Variants in RUNX1 observed in about 807,000 individuals in gnomAD.
The protein encoded by RUNX1 is RUNX family transcription factor 1.
A neutral mutation model predicts 42.8 loss-of-function variants in RUNX1; 19 were observed. That is an observed-to-expected ratio of 0.44 (90% CI 0.31 to 0.65). RUNX1 has a LOEUF of 0.65. RUNX1 is among the 30% of genes least tolerant of loss of function. The pLI is 0.07. For missense variants in RUNX1, 528 were observed against 672.0 expected (o/e 0.79, Z 2.37); for synonymous variants, 271 against 289.4 (o/e 0.94, Z 0.64).
chr21:34,800,934 T>G (rs2077780115), intron 7 of RUNX1, among the ~76,000 whole-genome samples: 1 of 152,144 alleles, frequency 6.6e-6, no homozygotes, highest in South Asian at 2.1e-4. Flanking sequence ...TTTAAAGAGC[T>G]GGCAAGGAAC....
At chr21:34,992,782 G>A (rs1213216076) in intron 2 of RUNX1, among the ~76,000 whole-genome samples, 1 of 152,164 alleles carries the variant, frequency 6.6e-6, no homozygotes, top group African/African-American at 2.4e-5. Context: ...GGCAGCCCAG[G>A]CAGTGCCCAG....
chr21:34,800,752 GCCTC>G (rs529195472), intron 7 of RUNX1, among the ~76,000 whole-genome samples: 1 of 152,076 alleles, frequency 6.6e-6, no homozygotes, highest in Non-Finnish European at 1.5e-5. Context: ...TCTCCTGACA[GCCTC>G]CCTCCCTCCC....
At chr21:34,833,439 C>T (rs1029705270) in intron 7 of RUNX1, 2 of 152,286 alleles carry the variant, frequency 1.3e-5, no homozygotes, top group Non-Finnish European at 2.9e-5. Flanking sequence ...TAGAGAGCTA[C>T]TGGCCTGGAA....
chr21:34,974,916 C>T (rs971458488), intron 2 of RUNX1, among the ~76,000 whole-genome samples: 2 of 152,206 alleles, frequency 1.3e-5, no homozygotes, highest in African/African-American at 4.8e-5. Flanking sequence ...TAAATATCTA[C>T]TATGTGCTAG....
At chr21:35,046,915 T>G (rs2059399768) in intron 2 of RUNX1, among the ~76,000 whole-genome samples, 1 of 152,156 alleles carries the variant, frequency 6.6e-6, no homozygotes, top group African/African-American at 2.4e-5. Context: ...CCGTGAAAGC[T>G]AACCGACCCT....
chr21:34,860,020 A>G (rs954035261), intron 5 of RUNX1, among the ~76,000 whole-genome samples: 35 of 152,228 alleles, frequency 2.3e-4, no homozygotes, highest in Non-Finnish European at 1.2e-4. Flanking sequence ...GAAAGATAGA[A>G]TTTCTAAGTT....
chr21:34,845,686 C>T (rs956343178), intron 6 of RUNX1, among the ~76,000 whole-genome samples: 1 of 152,088 alleles, frequency 6.6e-6, no homozygotes, highest in East Asian at 1.9e-4. Flanking sequence ...GGAGGGGGAC[C>T]CCGCCCCACT....
At chr21:34,889,358 C>T (rs2058047766) in intron 3 of RUNX1, among the ~76,000 whole-genome samples, 1 of 152,146 alleles carries the variant, frequency 6.6e-6, no homozygotes, top group South Asian at 2.1e-4. Flanking sequence ...CTCTCAGCGT[C>T]TTCCCTTGGG....
intron 2 of RUNX1, among the ~76,000 whole-genome samples, chr21:35,043,822 G>C (rs1601706599): frequency 1.3e-5 from 2 of 152,172 alleles, no homozygotes; most frequent in South Asian, 4.1e-4. Context: ...TCATGTCTGG[G>C]CTTTGACAAA....
At chr21:34,959,264 G>T (rs62216440) in intron 2 of RUNX1, among the ~76,000 whole-genome samples, 64 of 152,034 alleles carry the variant, frequency 4.2e-4, no homozygotes, top group Non-Finnish European at 8.1e-4. Flanking sequence ...GGTCTCCAGT[G>T]GTATTGTTAG....
At chr21:34,999,641 G>A (rs2059025012) in intron 2 of RUNX1, among the ~76,000 whole-genome samples, 1 of 152,216 alleles carries the variant, frequency 6.6e-6, no homozygotes. Context: ...TCGACATGTG[G>A]GGACCGAGAT....
chr21:34,834,142 C>T, intron 7 of RUNX1: 1 of 679,638 alleles, frequency 1.5e-6, no homozygotes, highest in Non-Finnish European at 2.7e-6. Flanking sequence ...GATATCCATA[C>T]CCAGAGCTCC....
At chr21:34,846,879 G>A (rs929973010) in intron 6 of RUNX1, among the ~76,000 whole-genome samples, 1 of 152,210 alleles carries the variant, frequency 6.6e-6, no homozygotes, top group Non-Finnish European at 1.5e-5. Context: ...ACAGGACAGC[G>A]AGCTGGCCTC....
At chr21:35,045,031 C>T (rs1331483665) in intron 2 of RUNX1, among the ~76,000 whole-genome samples, 1 of 152,190 alleles carries the variant, frequency 6.6e-6, no homozygotes, top group Non-Finnish European at 1.5e-5. Context: ...CAAAGACAAT[C>T]CTCCCCAAGA....
At chr21:35,006,781 G>A (rs995868505) in intron 2 of RUNX1, among the ~76,000 whole-genome samples, 1 of 152,206 alleles carries the variant, frequency 6.6e-6, no homozygotes, top group Admixed American at 6.5e-5. Context: ...TTTAGAGTGG[G>A]TGAAGGCTGA....
chr21:34,964,582 A>G (rs2058705356), intron 2 of RUNX1, among the ~76,000 whole-genome samples: 1 of 152,204 alleles, frequency 6.6e-6, no homozygotes, highest in South Asian at 2.1e-4. Flanking sequence ...CTAATCTAGA[A>G]TTACAGACAC....
intron 5 of RUNX1, among the ~76,000 whole-genome samples, chr21:34,878,054 A>G (rs2146344058): frequency 6.6e-6 from 1 of 152,270 alleles, no homozygotes; most frequent in East Asian, 1.9e-4. Context: ...TTGTCTTAAG[A>G]TCACTTAATA....
At chr21:34,934,373 C>T (rs1424694169) in intron 2 of RUNX1, among the ~76,000 whole-genome samples, 1 of 151,956 alleles carries the variant, frequency 6.6e-6, no homozygotes, top group African/African-American at 2.4e-5. Context: ...CTCTTGATTG[C>T]ATCTAGATAT....
chr21:34,997,665 C>CA (rs1012169707), intron 2 of RUNX1, among the ~76,000 whole-genome samples: 3 of 151,736 alleles, frequency 2.0e-5, no homozygotes, highest in Non-Finnish European at 4.4e-5. Context: ...AACGTCTTAC[C>CA]AGGCTGAAGA....
Sources: allele counts gnomAD v4.1 joint callset (sites outside exome capture counted in the v4.1 genomes callset), GRCh38; gene constraint gnomAD v4.1.1; transcripts MANE v1.5; gene names NCBI Gene and HGNC (gene_info 2026-07-23, HGNC 2026-07-21).